The following SHANK1 variants were observed in gnomAD, a reference collection of about 807,000 sequenced individuals.
SHANK1 encodes SH3 and multiple ankyrin repeat domains 1.
Under a neutral mutation model 165.6 loss-of-function variants are expected in SHANK1, and 35 were observed. The observed-to-expected ratio is 0.21, with a 90% CI of 0.16 to 0.28. SHANK1 has a LOEUF of 0.28. Ranked by LOEUF, SHANK1 falls within the 10% of genes least tolerant of loss-of-function variation. The pLI is 1.00. For synonymous variants in SHANK1, 1,428 were observed against 1,384.8 expected, an observed-to-expected ratio of 1.03 and a Z score of -0.69; for missense variants, 2,681 against 3,036.4, an observed-to-expected ratio of 0.88 and a Z score of 2.75.
intron 21 of SHANK1, among the ~76,000 whole-genome samples, chr19:50,675,572 T>C (rs1393510776): frequency 3.3e-5 from 5 of 152,198 alleles, no homozygotes; most frequent in Non-Finnish European, 7.3e-5. Context: ...CTGTGACAGA[T>C]ACTGCAGATA....
chr19:50,686,444 A>C lies in SHANK1; in HGVS notation c.2459-89T>G. On this transcript the variant is annotated intron_variant, in intron 20 of 23. Transcript: ENST00000293441. The surrounding 1 kb of genome is among the most constrained non-coding windows in gnomAD (Gnocchi z 5.7). ...CGCAAAGACCAGAGCTGCCGCCCGC[A>C]GTTCATCCAGCACCTGGATCAACCA... is the stretch of plus-strand genomic sequence containing the variant. The C allele has an allele frequency of 1.1e-6, 1 of 949,806 alleles. No homozygotes were observed. The highest frequency in any genetic ancestry group is 1.6e-6 in the Non-Finnish European group (1 of 619,002). 58.8% of individuals were successfully genotyped at this position (949,806 alleles called of 1,614,324 possible). A position where few individuals can be genotyped will look rare whatever the true frequency, so the allele number is the denominator to read the frequency against.
intron 21 of SHANK1, among the ~76,000 whole-genome samples, chr19:50,681,420 G>C (rs926929832): frequency 2.6e-5 from 4 of 152,106 alleles, no homozygotes; most frequent in African/African-American, 9.7e-5. Context: ...TCATTTCTAG[G>C]AGGCAGGGGC....
chr19:50,676,151 T>A (rs1007509547), intron 21 of SHANK1, among the ~76,000 whole-genome samples: 2 of 146,802 alleles, frequency 1.4e-5, no homozygotes, highest in Middle Eastern at 3.7e-3. Context: ...TTTTTTTTTT[T>A]AATTAGTGGT....
chr19:50,716,948 C>T lies in SHANK1; in HGVS notation c.-29G>A. The T allele has an allele frequency of 1.4e-6, 2 of 1,416,220 alleles. No homozygotes were observed. Among genetic ancestry groups the T allele is most frequent in the Non-Finnish European group, 9.2e-7 (1 of 1,086,990 alleles). The allele number at this position is 1,416,220 out of a possible 1,614,324, so 87.7% of individuals were successfully genotyped here. ...GGGGCCACGGGGCGACGGGGGACGG[C>T]AGCATCACAGGCGGCTGCAGGGGCC... On this transcript the variant is annotated 5_prime_UTR_variant, in exon 2 of 24. Coordinates refer to ENST00000293441, the MANE Select transcript of SHANK1 (RefSeq NM_016148.5). This position sits in a 1 kb window ranked among gnomAD's most constrained non-coding sequence, Gnocchi z 8.4.
rs988490517 is a variant in SHANK1, at chr19:50,668,783, C to T, written c.3177G>A (p.Pro1059=). 3 of 1,269,330 alleles carry T rather than the reference C, an allele frequency of 2.4e-6. No homozygotes were observed. The highest frequency in any genetic ancestry group is 3.0e-6 in the Non-Finnish European group (3 of 1,013,400). 78.6% of individuals were successfully genotyped at this position (1,269,330 alleles called of 1,614,324 possible). A position where few individuals can be genotyped will look rare whatever the true frequency, so the allele number is the denominator to read the frequency against. ...CGTGGTGCGATGGGGACGGGGCCCC[C>T]GGGGTCGGGCTGGGCCCGCCGCCCC... The part of the protein sequence containing the change: ...GWRGGGPSPT[P]GAPSPSHHGS... Residue 1059 remains proline, a synonymous_variant, in exon 23 of 24, where the codon CCG becomes CCA. Transcript: ENST00000293441.
rs932106930 is a variant in SHANK1 at position 50,702,635 on chromosome 19, G to A, written c.1579C>T (p.Pro527Ser). 8.2e-6 allele frequency: 13 copies of A among 1,579,000 alleles called. No homozygotes were observed. Among genetic ancestry groups the A allele is most frequent in the African/African-American group, 1.3e-5 (1 of 74,150 alleles). ...CCTGAGCCCCCCGTGCCCCCGGCTG[G>A]CCCTTCCCGGGGTGTCCCGCTGGAG... ...PSSSGTPREG[P>S]AGGTGGSGGP... The change falls in exon 12 of 24, where the codon CCA becomes TCA. Residue 527 changes from proline (P) to serine (S), a missense_variant. This residue lies in a region of SHANK1 where 195 missense variants were observed against 186.2 expected (regional missense o/e 1.05). Transcript: ENST00000293441. The surrounding 1 kb of genome is among the most constrained non-coding windows in gnomAD (Gnocchi z 5.3).
Position 50,703,566 on chromosome 19 carries a change from C to T in SHANK1, c.1487G>A (p.Arg496Lys), listed in dbSNP as rs2088896885. The T allele has an allele frequency of 6.4e-7, 1 of 1,555,434 alleles. No homozygotes were observed. Among genetic ancestry groups the T allele is most frequent in the South Asian group, 1.2e-5 (1 of 85,034 alleles). Reference sequence around the variant, plus strand: ...CCTCCCTCGGGATGGAGAGCGGGCCCTGGCACCCCGGGGGCTGCTGGCACT... The same window carrying T: ...CCTCCCTCGGGATGGAGAGCGGGCCTTGGCACCCCGGGGGCTGCTGGCACT... ...LRSASSPRGARARSPSRGRHP... is the reference protein window; with the variant it reads ...LRSASSPRGAKARSPSRGRHP... Residue 496 changes from arginine (R) to lysine (K), a missense_variant, in exon 11 of 24, where the codon AGG becomes AAG. Around this residue, in one of 10 missense-constraint regions of SHANK1, gnomAD observed 195 missense variants for 186.2 expected, o/e 1.05. Coordinates refer to ENST00000293441, the MANE Select transcript of SHANK1 (RefSeq NM_016148.5).
At chr19:50,687,028 T>C in intron 19 of SHANK1, 1 of 1,485,062 alleles carries the variant, frequency 6.7e-7, no homozygotes. Context: ...ACTCTTCTTC[T>C]TCCAGGGGGA....
chr19:50,669,331 G>C, intron 22 of SHANK1, 46 bp from the exon 23 acceptor site: 3 of 1,321,390 alleles, frequency 2.3e-6, no homozygotes, highest in Non-Finnish European at 3.2e-6. Flanking sequence ...GGCGGGGAGG[G>C]TCTCCCTGCT....
In SHANK1 at chr19:50,660,226, A is replaced by AGAGAGGAAGC. The variant is rs1268881969; in HGVS notation, c.*1729_*1738dup. On this transcript the variant is annotated 3_prime_UTR_variant, in exon 24 of 24. Coordinates refer to ENST00000293441, the MANE Select transcript of SHANK1 (RefSeq NM_016148.5). The stretch of plus-strand genomic sequence containing the variant: ...ATTCCCAAGCCCCGGGAATAAGCGG[A>AGAGAGGAAGC]GAGAGGAAGCGTGCGGGAAGGAACA... Among the ~76,000 whole-genome samples, 1 of 152,002 alleles carries AGAGAGGAAGC rather than the reference A, an allele frequency of 6.6e-6. No individual in the cohort carries two copies. Among genetic ancestry groups the AGAGAGGAAGC allele is most frequent in the South Asian group, 2.1e-4 (1 of 4,806 alleles).
In SHANK1 at chr19:50,718,993, G is replaced by A. The variant is rs1396483288; in HGVS notation, c.-44+413C>T. 6.6e-6 allele frequency among the ~76,000 whole-genome samples: 1 copy of A among 151,614 alleles called. No individual in the cohort carries two copies. The highest frequency in any genetic ancestry group is 2.4e-5 in the African/African-American group (1 of 41,232). On this transcript the variant is annotated intron_variant, in intron 1 of 23. Coordinates refer to ENST00000293441, the MANE Select transcript of SHANK1 (RefSeq NM_016148.5). The surrounding 1 kb of genome is among the most constrained non-coding windows in gnomAD (Gnocchi z 5.1). ...GTCGAAAGGGGCGGAGGAGGCCCGG[G>A]CCTAGACCCTCGCTGGAGGGGAGTG...
Position 50,669,039 on chromosome 19 carries a change from G to C in SHANK1, c.2921C>G (p.Ser974Cys). ...GCTCCCCACGCGAGTGTCGGGAGGGGAGGGCCCGTCAAAGGATGCAGGGGA... is the reference window on the plus strand; with the variant it reads ...GCTCCCCACGCGAGTGTCGGGAGGGCAGGGCCCGTCAAAGGATGCAGGGGA... ...ASSPASFDGP[S>C]PPDTRVGSRE... Residue 974 changes from serine to cysteine, a missense_variant, in exon 23 of 24, where the codon TCC becomes TGC. Physicochemically the swap from Ser to Cys is moderately radical, Grantham distance 112. Transcript: ENST00000293441. 1.1e-6 allele frequency: 1 copy of C among 880,654 alleles called. No homozygotes were observed. The highest frequency in any genetic ancestry group is 1.7e-6 in the Non-Finnish European group (1 of 590,558). 54.6% of individuals were successfully genotyped at this position (880,654 alleles called of 1,614,324 possible).
Position 50,668,014 on chromosome 19 carries a change from C to T in SHANK1, c.3946G>A (p.Gly1316Ser). Reference sequence around the variant, plus strand: ...CCGCCACCCCCGTAGGCTCGGCTACCGGCCCCGTAGCCGCCGTAGCCCGCG... The same window carrying T: ...CCGCCACCCCCGTAGGCTCGGCTACTGGCCCCGTAGCCGCCGTAGCCCGCG... ...SGAGYGGYGA[G>S]SRAYGGGGGS... Residue 1316 changes from glycine (G) to serine (S), a missense_variant, in exon 23 of 24, where the codon GGT becomes AGT. Transcript: ENST00000293441. The T allele has an allele frequency of 1.4e-6, 2 of 1,475,214 alleles. No homozygotes were observed. The highest frequency in any genetic ancestry group is 2.6e-5 in the South Asian group (2 of 78,154). 91.4% of individuals were successfully genotyped at this position (1,475,214 alleles called of 1,614,324 possible).
chr19:50,663,762 G>GA (rs66511954), intron 23 of SHANK1, among the ~76,000 whole-genome samples: 1,602 of 147,816 alleles, frequency 0.011, 23 homozygotes, highest in African/African-American at 0.037. Context: ...AAAAAGAAAA[G>GA]AAAAAAAAAA....
Position 50,686,921 on chromosome 19 carries a change from G to A in SHANK1, c.2390-109C>T. The A allele has an allele frequency of 1.3e-5, 19 of 1,414,354 alleles. No homozygotes were observed. Among genetic ancestry groups the A allele is most frequent in the Non-Finnish European group, 1.8e-5 (19 of 1,051,696 alleles). 87.6% of individuals were successfully genotyped at this position (1,414,354 alleles called of 1,614,324 possible). A position where few individuals can be genotyped will look rare whatever the true frequency, so the allele number is the denominator to read the frequency against. ...GTGCGGGCCAGTGGGCGTGGCGGGC[G>A]CGAGAGGGGCAGTGAGGGGCCGGGG... On this transcript the variant is annotated intron_variant, in intron 19 of 23. Coordinates refer to ENST00000293441, the MANE Select transcript of SHANK1 (RefSeq NM_016148.5). This position sits in a 1 kb window ranked among gnomAD's most constrained non-coding sequence, Gnocchi z 5.7.
chr19:50,668,894 A>T lies in SHANK1; in HGVS notation c.3066T>A (p.His1022Gln). ...QPHHHHAHPP[H>Q]PPEMETGGSP... is the part of the protein sequence containing the mutation. ...AGCCGCCTGTCTCCATCTCGGGAGG[A>T]TGAGGGGGGTGGGCGTGGTGGTGGT... Residue 1022 changes from histidine (H) to glutamine (Q), a missense_variant, in exon 23 of 24, where the codon CAT (histidine) becomes CAA (glutamine). This residue lies in a region of SHANK1 where 1,713 missense variants were observed against 1,630.2 expected (regional missense o/e 1.05). Coordinates refer to ENST00000293441, the MANE Select transcript of SHANK1 (RefSeq NM_016148.5). The T allele has an allele frequency of 9.3e-6, 6 of 645,900 alleles. No individual in the cohort carries two copies. The highest frequency in any genetic ancestry group is 1.2e-5 in the Non-Finnish European group (6 of 486,718). The allele number at this position is 645,900 out of a possible 1,614,324, so 40.0% of individuals were successfully genotyped here. A position where few individuals can be genotyped will look rare whatever the true frequency, so the allele number is the denominator to read the frequency against.
chr19:50,712,548 G>A (rs1049576635), intron 6 of SHANK1, among the ~76,000 whole-genome samples: 3 of 152,254 alleles, frequency 2.0e-5, no homozygotes, highest in Non-Finnish European at 4.4e-5. Context: ...TCAAAGAAGG[G>A]GCACAGCAGG....
chr19:50,677,866 C>T (rs1268458977), intron 21 of SHANK1, among the ~76,000 whole-genome samples: 1 of 152,220 alleles, frequency 6.6e-6, no homozygotes, highest in African/African-American at 2.4e-5. Flanking sequence ...CTGCTCAATC[C>T]TTCTCCACTT....
rs1236210039 is a variant in SHANK1 at position 50,716,776 on chromosome 19, A to G, written c.144T>C (p.Pro48=). 2 of 1,607,634 alleles carry G rather than the reference A, an allele frequency of 1.2e-6. No individual in the cohort carries two copies. Among genetic ancestry groups the G allele is most frequent in the Admixed American group, 1.7e-5 (1 of 58,458 alleles). ...GGCCTCTAACAGAGGCCAGGCTACC[A>G]GGTGCCCCACTGCCCTGGCCCCGGG... is the stretch of plus-strand genomic sequence containing the variant. ...RGTRGQGSGA[P]GSLASVRGLQ... is the part of the protein sequence containing the mutation. Residue 48 remains proline, a synonymous_variant, in exon 2 of 24, where the codon CCT becomes CCC. Transcript: ENST00000293441. This position sits in a 1 kb window ranked among gnomAD's most constrained non-coding sequence, Gnocchi z 8.4.
Sources: gnomAD v4.1 joint callset for allele counts (sites outside exome capture counted in the v4.1 genomes callset) on GRCh38, gnomAD v4.1.1 for gene constraint, gnomAD v4.1.1 regional missense constraint, Gnocchi (gnomAD v3.1) non-coding constraint, MANE v1.5 for transcripts, NCBI Gene and HGNC (gene_info 2026-07-23, HGNC 2026-07-21) for gene names.